GRM5: variants seen among roughly 807,000 people sequenced by gnomAD.
GRM5 encodes glutamate metabotropic receptor 5, also known as metabotropic glutamate receptor 5.
A neutral mutation model predicts 83.1 loss-of-function variants in GRM5; 19 were observed. The observed-to-expected ratio is 0.23, with a 90% CI of 0.16 to 0.34. GRM5 has a LOEUF of 0.34. GRM5 is among the 10% of genes least tolerant of loss of function. The pLI is 1.00. For synonymous variants in GRM5, 675 were observed against 633.6 expected, an observed-to-expected ratio of 1.07 and a Z score of -0.98; for missense variants, 1,160 against 1,588.3, an observed-to-expected ratio of 0.73 and a Z score of 4.58.
intron 2 of GRM5, among the ~76,000 whole-genome samples, chr11:89,044,927 T>A (rs1941612149): frequency 6.6e-6 from 1 of 152,116 alleles, no homozygotes; most frequent in East Asian, 1.9e-4. Context: ...CTCTCACTTT[T>A]CTGATCCTGG....
intron 2 of GRM5, among the ~76,000 whole-genome samples, chr11:88,905,315 T>C (rs879450513): frequency 2.0e-5 from 3 of 152,126 alleles, no homozygotes; most frequent in Non-Finnish European, 4.4e-5. Context: ...GGTTACTTTA[T>C]TATTTATTTA....
chr11:88,871,735 A>C (rs1159480480), intron 2 of GRM5, among the ~76,000 whole-genome samples: 1 of 151,698 alleles, frequency 6.6e-6, no homozygotes, highest in East Asian at 1.9e-4. Flanking sequence ...TTCATTCTTC[A>C]GAGTTATTTA....
At chr11:88,619,901 A>T (rs1938587282) in intron 4 of GRM5, among the ~76,000 whole-genome samples, 2 of 152,134 alleles carry the variant, frequency 1.3e-5, no homozygotes, top group South Asian at 4.1e-4. Context: ...ATAACATACT[A>T]TAACATTGCA....
At chr11:88,970,396 T>C (rs1485007364) in intron 2 of GRM5, among the ~76,000 whole-genome samples, 6 of 152,082 alleles carry the variant, frequency 3.9e-5, no homozygotes, top group African/African-American at 1.4e-4. Flanking sequence ...GTGAAGGAGA[T>C]ATAGCTTCTT....
intron 3 of GRM5, among the ~76,000 whole-genome samples, chr11:88,788,956 T>C (rs1184462340): frequency 6.6e-6 from 1 of 152,190 alleles, no homozygotes; most frequent in African/African-American, 2.4e-5. Context: ...CCATTGTTAT[T>C]TTAGAGGGCA....
chr11:88,942,732 A>C lies in GRM5; in HGVS notation c.662-92577T>G, dbSNP rs183429160. Among the ~76,000 whole-genome samples, 633 of 129,002 alleles carry C rather than the reference A, an allele frequency of 4.9e-3. 2 individuals are homozygous for C. Among genetic ancestry groups the C allele is most frequent in the South Asian group, 0.013 (57 of 4,344 alleles). The allele number at this position is 129,002 out of a possible 152,430, so 84.6% of individuals were successfully genotyped here. On this transcript the variant is annotated intron_variant, in intron 2 of 9. Transcript: ENST00000305447. Reference sequence around the variant, plus strand: ...TTTTCCCTGTAAAATGACAGTGTTTAAATTAAAAAAAAAATGGGACACAAC... The same window carrying C: ...TTTTCCCTGTAAAATGACAGTGTTTCAATTAAAAAAAAAATGGGACACAAC...
chr11:88,725,111 GCC>G (rs1259336760), intron 3 of GRM5, among the ~76,000 whole-genome samples: 1 of 152,156 alleles, frequency 6.6e-6, no homozygotes, highest in Non-Finnish European at 1.5e-5. Flanking sequence ...TCCTCATGGA[GCC>G]CAGCAAGCTA....
chr11:88,512,493 A>G (rs770097071), intron 9 of GRM5: 4 of 153,794 alleles, frequency 2.6e-5, no homozygotes, highest in Non-Finnish European at 5.9e-5. Context: ...ATGAAGACAC[A>G]GATCTTATCT....
chr11:88,987,035 TCTACAG>T (rs1292294210), intron 2 of GRM5, among the ~76,000 whole-genome samples: 3 of 151,982 alleles, frequency 2.0e-5, no homozygotes, highest in Admixed American at 1.3e-4. Flanking sequence ...ACAGCTCCGG[TCTACAG>T]CTCCCAGCGT....
intron 4 of GRM5, among the ~76,000 whole-genome samples, chr11:88,632,613 C>A (rs1312008137): frequency 6.6e-6 from 1 of 152,128 alleles, no homozygotes; most frequent in African/African-American, 2.4e-5. Flanking sequence ...TTTGTGTATT[C>A]TTTCACCTGT....
chr11:88,530,225 G>A (rs563365345), intron 8 of GRM5, among the ~76,000 whole-genome samples: 1 of 152,090 alleles, frequency 6.6e-6, no homozygotes, highest in African/African-American at 2.4e-5. Flanking sequence ...AATCTGCTGA[G>A]TGCCTTGTAT....
At chr11:88,838,118 TA>T (rs1944127611) in intron 3 of GRM5, among the ~76,000 whole-genome samples, 1 of 134,688 alleles carries the variant, frequency 7.4e-6, no homozygotes, top group Non-Finnish European at 1.6e-5. Flanking sequence ...AAGATATAAG[TA>T]ACGTCTCTGA....
chr11:88,763,467 A>G (rs1942569738), intron 3 of GRM5, among the ~76,000 whole-genome samples: 1 of 151,892 alleles, frequency 6.6e-6, no homozygotes, highest in South Asian at 2.1e-4. Context: ...ATTAGTTTAA[A>G]GCTAGGATTA....
At chr11:88,992,020 A>G (rs1181709729) in intron 2 of GRM5, among the ~76,000 whole-genome samples, 1 of 152,166 alleles carries the variant, frequency 6.6e-6, no homozygotes, top group Non-Finnish European at 1.5e-5. Flanking sequence ...AATGGGATCT[A>G]ATTAAACTAA....
chr11:88,618,641 C>T lies in GRM5; in HGVS notation c.1148-13677G>A, dbSNP rs115111995. On this transcript the variant is annotated intron_variant, in intron 4 of 9. Coordinates refer to ENST00000305447, the MANE Select transcript of GRM5 (RefSeq NM_001143831.3). ...AAACGATTCAACATATAAGTATGGG[C>T]TCAGTGGTAGAAGCTTGTGGGGACC... 4.0e-3 allele frequency among the ~76,000 whole-genome samples: 612 copies of T among 151,208 alleles called. 1 individual carries two copies. The highest frequency in any genetic ancestry group is 0.014 in the African/African-American group (567 of 41,156).
intron 2 of GRM5, among the ~76,000 whole-genome samples, chr11:88,991,959 A>G (rs1426030533): frequency 6.6e-6 from 1 of 152,202 alleles, no homozygotes; most frequent in Non-Finnish European, 1.5e-5. Flanking sequence ...ATGGGCAAGG[A>G]CTTCATGTCT....
chr11:88,887,789 C>T (rs1262666377), intron 2 of GRM5, among the ~76,000 whole-genome samples: 1 of 152,154 alleles, frequency 6.6e-6, no homozygotes, highest in African/African-American at 2.4e-5. Context: ...TCCTCTTAAC[C>T]AGAGACTTTA....
At chr11:88,901,019 A>G (rs932139918) in intron 2 of GRM5, among the ~76,000 whole-genome samples, 1 of 152,134 alleles carries the variant, frequency 6.6e-6, no homozygotes, top group Non-Finnish European at 1.5e-5. Context: ...TTTTGTGGGG[A>G]TAGTAAACAG....
chr11:88,707,042 C>T (rs570967188), intron 3 of GRM5, among the ~76,000 whole-genome samples: 28 of 152,132 alleles, frequency 1.8e-4, no homozygotes, highest in African/African-American at 4.8e-4. Flanking sequence ...GATTCTGCAT[C>T]GCTCTGCACA....
Sources: gnomAD v4.1 joint callset for allele counts (sites outside exome capture counted in the v4.1 genomes callset) on GRCh38, gnomAD v4.1.1 for gene constraint, MANE v1.5 for transcripts, NCBI Gene and HGNC (gene_info 2026-07-23, HGNC 2026-07-21) for gene names.